Variants in ASIC2 observed in about 807,000 individuals in gnomAD.
The protein encoded by ASIC2 is acid-sensing ion channel 2.
Under a neutral mutation model 57.3 loss-of-function variants are expected in ASIC2, and 25 were observed. The ratio of observed to expected loss-of-function variants is 0.44; its 90% CI spans 0.32 to 0.61. The LOEUF is 0.61. Ranked by LOEUF, ASIC2 falls within the 20% of genes least tolerant of loss-of-function variation. ASIC2 has a pLI of 0.06. For missense variants in ASIC2, 641 were observed against 738.1 expected, an observed-to-expected ratio of 0.87 and a Z score of 1.52; for synonymous variants, 319 against 307.5, an observed-to-expected ratio of 1.04 and a Z score of -0.39.
At chr17:33,638,625 C>T (rs1047012256) in intron 1 of ASIC2, among the ~76,000 whole-genome samples, 11 of 152,100 alleles carry the variant, frequency 7.2e-5, no homozygotes, top group Admixed American at 5.2e-4. Context: ...ATCTTGGATA[C>T]AATGTTGGGA....
chr17:33,691,782 TAACA>T (rs1908376756), intron 1 of ASIC2, among the ~76,000 whole-genome samples: 1 of 152,164 alleles, frequency 6.6e-6, no homozygotes, highest in Non-Finnish European at 1.5e-5. Flanking sequence ...TTTTCCACAT[TAACA>T]GATTATATAT....
intron 1 of ASIC2, among the ~76,000 whole-genome samples, chr17:34,123,837 T>G (rs1272667203): frequency 6.6e-6 from 1 of 152,092 alleles, no homozygotes; most frequent in East Asian, 1.9e-4. Flanking sequence ...ATCCCAGCAG[T>G]TTGGGAAGTT....
intron 1 of ASIC2, among the ~76,000 whole-genome samples, chr17:33,203,715 A>G (rs1422014607): frequency 6.6e-6 from 1 of 152,106 alleles, no homozygotes; most frequent in Non-Finnish European, 1.5e-5. Context: ...CCCTGCACAT[A>G]GTACAGGCTC....
In ASIC2 at chr17:34,121,638, C is replaced by T. The variant is rs9898463; in HGVS notation, c.555+34340G>A. Among the ~76,000 whole-genome samples the T allele has an allele frequency of 7.4e-3, 1,130 of 151,738 alleles. 14 individuals are homozygous for T. Among genetic ancestry groups the T allele is most frequent in the African/African-American group, 0.025 (1,046 of 41,044 alleles). ...TCCTCTGATTAAGACCTTGAAATGT[C>T]ACAACAGCTCCTCCGAGTCTTCAGG... On this transcript the variant is annotated intron_variant, in intron 1 of 9. Transcript: ENST00000359872.
At chr17:33,886,097 T>G (rs1164237722) in intron 1 of ASIC2, among the ~76,000 whole-genome samples, 1 of 152,164 alleles carries the variant, frequency 6.6e-6, no homozygotes, top group Non-Finnish European at 1.5e-5. Flanking sequence ...TCCCAAAATT[T>G]TAGTGGCTTT....
intron 3 of ASIC2, among the ~76,000 whole-genome samples, chr17:33,039,631 C>T (rs1333960793): frequency 6.6e-6 from 1 of 152,218 alleles, no homozygotes; most frequent in African/African-American, 2.4e-5. Context: ...CATTTGCTCT[C>T]TGTTCTGCAT....
At chr17:33,817,425 T>C (rs564791825) in intron 1 of ASIC2, among the ~76,000 whole-genome samples, 4 of 152,328 alleles carry the variant, frequency 2.6e-5, no homozygotes, top group African/African-American at 9.6e-5. Context: ...CTGAGTTCTG[T>C]GTCTCTAACC....
intron 1 of ASIC2, among the ~76,000 whole-genome samples, chr17:33,218,241 A>G (rs1028111749): frequency 1.5e-4 from 23 of 152,172 alleles, no homozygotes; most frequent in Admixed American, 2.0e-4. Context: ...CTGGGAATCT[A>G]GAAGCCTGGG....
chr17:33,776,465 G>C (rs1911281885), intron 1 of ASIC2, among the ~76,000 whole-genome samples: 1 of 152,192 alleles, frequency 6.6e-6, no homozygotes, highest in South Asian at 2.1e-4. Flanking sequence ...CCAGTCTGTG[G>C]TATTCTGTTT....
intron 1 of ASIC2, among the ~76,000 whole-genome samples, chr17:33,823,663 A>G (rs897874967): frequency 2.6e-4 from 39 of 152,116 alleles, no homozygotes; most frequent in African/African-American, 9.2e-4. Context: ...TTTGGTCTCT[A>G]TGTTGCAGGC....
chr17:34,001,949 G>A, intron 1 of ASIC2: 1 of 152,184 alleles, frequency 6.6e-6, no homozygotes, highest in East Asian at 1.9e-4. Context: ...TTCTATGTGT[G>A]TCTTTTTATG....
At chr17:33,382,893 C>T (rs1044037549) in intron 1 of ASIC2, among the ~76,000 whole-genome samples, 10 of 152,202 alleles carry the variant, frequency 6.6e-5, no homozygotes, top group African/African-American at 1.9e-4. Context: ...AAATTTCTTA[C>T]TGTTTCCCAG....
chr17:33,710,709 C>T (rs1348695664), intron 1 of ASIC2, among the ~76,000 whole-genome samples: 1 of 151,984 alleles, frequency 6.6e-6, no homozygotes, highest in Admixed American at 6.6e-5. Context: ...AATATGAAAA[C>T]TGAGGGAGAA....
At chr17:33,059,559 T>C (rs565891999) in intron 3 of ASIC2, among the ~76,000 whole-genome samples, 111 of 152,340 alleles carry the variant, frequency 7.3e-4, no homozygotes, top group Non-Finnish European at 1.2e-3. Flanking sequence ...CAGTCTATCA[T>C]TGATGGACAT....
intron 1 of ASIC2, among the ~76,000 whole-genome samples, chr17:33,677,795 AG>A (rs891064351): frequency 1.3e-5 from 2 of 152,236 alleles, no homozygotes; most frequent in African/African-American, 4.8e-5. Flanking sequence ...GAGCAAAGAA[AG>A]TGGTTTCTTG....
intron 1 of ASIC2, among the ~76,000 whole-genome samples, chr17:34,052,819 A>C (rs1908620528): frequency 6.6e-6 from 1 of 151,670 alleles, no homozygotes; most frequent in Non-Finnish European, 1.5e-5. Flanking sequence ...GGATTTCACT[A>C]TGTTGGCCAG....
intron 1 of ASIC2, among the ~76,000 whole-genome samples, chr17:34,090,626 C>G (rs145403446): frequency 1.3e-5 from 2 of 152,292 alleles, no homozygotes; most frequent in East Asian, 3.9e-4. Flanking sequence ...CATAAGGTAA[C>G]TCAACCCAAG....
chr17:33,202,181 A>G lies in ASIC2; in HGVS notation c.708+89227T>C, dbSNP rs983611800. Among the ~76,000 whole-genome samples, 26 of 152,312 alleles carry G rather than the reference A, an allele frequency of 1.7e-4. 1 individual carries two copies. Among genetic ancestry groups the G allele is most frequent in the African/African-American group, 6.3e-4 (26 of 41,590 alleles). On this transcript the variant is annotated intron_variant, in intron 1 of 9. Transcript: ENST00000225823. ...GAGGCTCACCTGGCCTGCCTGCATCAGAACCAGCAGGTGGCACAAACACCA... is the reference window on the plus strand; with the variant it reads ...GAGGCTCACCTGGCCTGCCTGCATCGGAACCAGCAGGTGGCACAAACACCA...
chr17:33,752,059 T>C (rs1356509609), intron 1 of ASIC2, among the ~76,000 whole-genome samples: 1 of 152,058 alleles, frequency 6.6e-6, no homozygotes, highest in East Asian at 1.9e-4. Flanking sequence ...GAGCAGGCAC[T>C]GGGAAGGAGT....
Sources: gnomAD v4.1 joint callset for allele counts (sites outside exome capture counted in the v4.1 genomes callset) on GRCh38, gnomAD v4.1.1 for gene constraint, MANE v1.5 for transcripts, NCBI Gene and HGNC (gene_info 2026-07-23, HGNC 2026-07-21) for gene names.